Variants in MCTP1 observed in about 807,000 individuals in gnomAD.
The protein encoded by MCTP1 is multiple C2 and transmembrane domain containing 1.
In MCTP1, 69 loss-of-function variants were observed where a neutral mutation model predicts 120.6. That is an observed-to-expected ratio of 0.57 (90% CI 0.47 to 0.70). MCTP1 has a LOEUF of 0.70. Among genes scored for constraint, MCTP1 ranks in the 30% least tolerant of loss-of-function variants. The pLI is 0.00. For synonymous variants in MCTP1, 529 were observed against 493.1 expected, an observed-to-expected ratio of 1.07 and a Z score of -0.96; for missense variants, 1,203 against 1,248.8, an observed-to-expected ratio of 0.96 and a Z score of 0.55.
At chr5:94,858,031 T>C (rs1005988497) in intron 17 of MCTP1, among the ~76,000 whole-genome samples, 3 of 151,668 alleles carry the variant, frequency 2.0e-5, no homozygotes, top group Non-Finnish European at 4.4e-5. Flanking sequence ...TACATACACT[T>C]TTTCCTGGCA....
At chr5:95,133,585 G>A (rs1456825494) in intron 1 of MCTP1, among the ~76,000 whole-genome samples, 1 of 152,246 alleles carries the variant, frequency 6.6e-6, no homozygotes, top group Non-Finnish European at 1.5e-5. Context: ...AACCTGGGAG[G>A]TGAAGGTTGC....
At chr5:94,892,155 G>A (rs1006507332) in intron 11 of MCTP1, among the ~76,000 whole-genome samples, 3 of 152,142 alleles carry the variant, frequency 2.0e-5, no homozygotes, top group African/African-American at 4.8e-5. Context: ...GCTTGTCACC[G>A]TGACGTCTTA....
At chr5:95,172,648 C>T (rs1417724993) in intron 1 of MCTP1, among the ~76,000 whole-genome samples, 1 of 151,910 alleles carries the variant, frequency 6.6e-6, no homozygotes, top group African/African-American at 2.4e-5. Flanking sequence ...CAGAGCTCTA[C>T]CAAGATGTGA....
chr5:95,158,097 T>C (rs1408570853), intron 1 of MCTP1, among the ~76,000 whole-genome samples: 1 of 152,156 alleles, frequency 6.6e-6, no homozygotes, highest in Non-Finnish European at 1.5e-5. Flanking sequence ...ATAAATAGAA[T>C]TGATATTAAG....
At chr5:95,133,572 T>G (rs1472040088) in intron 1 of MCTP1, among the ~76,000 whole-genome samples, 3 of 152,196 alleles carry the variant, frequency 2.0e-5, no homozygotes, top group African/African-American at 7.2e-5. Flanking sequence ...GAAGAATCAC[T>G]TCAACCTGGG....
intron 1 of MCTP1, among the ~76,000 whole-genome samples, chr5:95,025,443 A>T (rs1016971000): frequency 9.2e-5 from 14 of 152,226 alleles, no homozygotes; most frequent in African/African-American, 3.4e-4. Context: ...TTTCTATGGT[A>T]ATACTCAAAA....
chr5:94,715,700 A>T (rs1215919944), intron 19 of MCTP1, among the ~76,000 whole-genome samples: 1 of 152,174 alleles, frequency 6.6e-6, no homozygotes, highest in East Asian at 1.9e-4. Flanking sequence ...AGGAAGAAAC[A>T]GTGGTGGCCT....
intron 17 of MCTP1, among the ~76,000 whole-genome samples, chr5:94,808,668 G>C (rs962552051): frequency 1.3e-5 from 2 of 152,066 alleles, no homozygotes; most frequent in African/African-American, 4.8e-5. Context: ...AAAAATCAAA[G>C]TGCACTATCT....
At position 94,705,208 on chromosome 5, in the gene MCTP1, G is replaced by C. The variant is rs571890796; in HGVS notation, c.*2288C>G. 8.6e-5 allele frequency: 13 copies of C among 151,566 alleles called. No individual in the cohort carries two copies. Among genetic ancestry groups the C allele is most frequent in the Middle Eastern group, 3.4e-3 (1 of 294 alleles). 9.4% of individuals were successfully genotyped at this position (151,566 alleles called of 1,614,324 possible). A position where few individuals can be genotyped will look rare whatever the true frequency, so the allele number is the denominator to read the frequency against. The stretch of plus-strand genomic sequence containing the variant: ...GCTCTCAAGACAGAATTGCAGCTAT[G>C]TGAGAAGGGGAAAGAAATAAATAGT... On this transcript the variant is annotated 3_prime_UTR_variant, in exon 23 of 23. Coordinates refer to ENST00000515393, the MANE Select transcript of MCTP1 (RefSeq NM_024717.7).
intron 1 of MCTP1, among the ~76,000 whole-genome samples, chr5:95,054,744 T>C (rs947482407): frequency 6.6e-6 from 1 of 152,170 alleles, no homozygotes; most frequent in East Asian, 1.9e-4. Flanking sequence ...GCCATCTACT[T>C]GGGCTTAACA....
chr5:95,190,404 TTAAAGAA>T (rs1395692808), intron 1 of MCTP1, among the ~76,000 whole-genome samples: 2 of 152,154 alleles, frequency 1.3e-5, no homozygotes, highest in Non-Finnish European at 2.9e-5. Context: ...GTTATCTAGT[TTAAAGAA>T]TAAATTCTTC....
Position 94,895,555 on chromosome 5 carries a change from C to T in MCTP1, c.1653-720G>A, listed in dbSNP as rs868038272. Among the ~76,000 whole-genome samples, 7 of 152,048 alleles carry T rather than the reference C, an allele frequency of 4.6e-5. No homozygotes were observed. In the South Asian group the frequency reaches 6.2e-4, roughly 14 times the overall value. ...ATATGGTGACCACAAGGCTAATAAA[C>T]GGAGAGAAAGGTGGCAGGCATGAGT... On this transcript the variant is annotated intron_variant, in intron 10 of 22. Coordinates refer to ENST00000515393, the MANE Select transcript of MCTP1 (RefSeq NM_024717.7).
chr5:95,102,170 G>C (rs898074491), intron 1 of MCTP1, among the ~76,000 whole-genome samples: 1 of 152,148 alleles, frequency 6.6e-6, no homozygotes, highest in Non-Finnish European at 1.5e-5. Flanking sequence ...TACTGTGCTA[G>C]TTCCAAGCAG....
At chr5:95,063,932 T>C (rs1020169844) in intron 1 of MCTP1, among the ~76,000 whole-genome samples, 1 of 152,218 alleles carries the variant, frequency 6.6e-6, no homozygotes, top group African/African-American at 2.4e-5. Context: ...ACCCATCCTA[T>C]TCTCCTTATC....
At chr5:95,072,811 T>A (rs930429945) in intron 1 of MCTP1, among the ~76,000 whole-genome samples, 1 of 136,492 alleles carries the variant, frequency 7.3e-6, no homozygotes, top group Non-Finnish European at 1.5e-5. Context: ...AATGGCGAGA[T>A]CTCGGCTCAC....
At chr5:95,109,563 C>T (rs1484069893) in intron 1 of MCTP1, among the ~76,000 whole-genome samples, 4 of 151,950 alleles carry the variant, frequency 2.6e-5, no homozygotes, top group Non-Finnish European at 4.4e-5. Flanking sequence ...AAAAAAATTT[C>T]GTACCAGAAA....
intron 2 of MCTP1, among the ~76,000 whole-genome samples, chr5:94,960,426 T>C (rs1034270238): frequency 1.3e-5 from 2 of 152,172 alleles, no homozygotes; most frequent in Non-Finnish European, 2.9e-5. Flanking sequence ...AAATGAGATC[T>C]AATTAAATTA....
intron 1 of MCTP1, among the ~76,000 whole-genome samples, chr5:95,196,163 G>T (rs1410024963): frequency 1.3e-5 from 2 of 152,128 alleles, no homozygotes; most frequent in African/African-American, 2.4e-5. Flanking sequence ...TATATTTTAT[G>T]CTGAGCTCTC....
intron 1 of MCTP1, among the ~76,000 whole-genome samples, chr5:95,275,114 C>CT (rs1218623408): frequency 1.3e-5 from 2 of 152,270 alleles, no homozygotes; most frequent in Non-Finnish European, 2.9e-5. Flanking sequence ...ATGCCTAGCA[C>CT]TTGCCCAGCA....
Sources: allele counts gnomAD v4.1 joint callset (sites outside exome capture counted in the v4.1 genomes callset), GRCh38; gene constraint gnomAD v4.1.1; transcripts MANE v1.5; gene names NCBI Gene and HGNC (gene_info 2026-07-23, HGNC 2026-07-21).